Variants in TSHZ1 observed in about 807,000 individuals in gnomAD.
The protein encoded by TSHZ1 is teashirt homolog 1.
TSHZ1 carries 12 observed loss-of-function variants against 67.1 expected under a neutral mutation model. That is an observed-to-expected ratio of 0.18 (90% CI 0.11 to 0.29). The LOEUF (loss-of-function observed/expected upper bound fraction) is 0.29. Among genes scored for constraint, TSHZ1 ranks in the 10% least tolerant of loss-of-function variants. TSHZ1 has a pLI of 1.00. For synonymous variants in TSHZ1, 632 were observed against 622.4 expected, an observed-to-expected ratio of 1.02 and a Z score of -0.23; for missense variants, 1,305 against 1,413.9, an observed-to-expected ratio of 0.92 and a Z score of 1.23.
chr18:75,237,614 C>CT (rs1164485228), intron 1 of TSHZ1, among the ~76,000 whole-genome samples: 1 of 151,912 alleles, frequency 6.6e-6, no homozygotes, highest in Non-Finnish European at 1.5e-5. Context: ...ATGTACACAC[C>CT]TTTTTTCTGT....
intron 1 of TSHZ1, among the ~76,000 whole-genome samples, chr18:75,277,409 G>A (rs2023626975): frequency 6.6e-6 from 1 of 152,214 alleles, no homozygotes; most frequent in Admixed American, 6.5e-5. Flanking sequence ...AGGAGGAGGA[G>A]CAGGCGTCCT....
Position 75,246,403 on chromosome 18 carries a change from G to GGTGTGT in TSHZ1, c.40+34524_40+34529dup, listed in dbSNP as rs74178999. Among the ~76,000 whole-genome samples, 671 of 108,414 alleles carry GGTGTGT rather than the reference G, an allele frequency of 6.2e-3. 23 individuals are homozygous for GGTGTGT. Among genetic ancestry groups the GGTGTGT allele is most frequent in the Middle Eastern group, 0.034 (7 of 208 alleles). 71.1% of individuals were successfully genotyped at this position (108,414 alleles called of 152,430 possible). On this transcript the variant is annotated intron_variant, in intron 1 of 1. Transcript: ENST00000580243. ...CTCTGATGGGGTGTTTTTGGTTTCT[G>GGTGTGT]GTGTGTGTGTGTGTGTGTGTGTGTG...
At chr18:75,263,407 A>G (rs990519420) in intron 1 of TSHZ1, among the ~76,000 whole-genome samples, 1 of 152,236 alleles carries the variant, frequency 6.6e-6, no homozygotes, top group Non-Finnish European at 1.5e-5. Context: ...TGTGTTAAAT[A>G]TCGGTATAAA....
chr18:75,287,176 A>C lies in TSHZ1; in HGVS notation c.1769A>C (p.Lys590Thr). The change falls in exon 2 of 2, where the codon AAG becomes ACG. Residue 590 changes from lysine to threonine, a missense_variant. Transcript: ENST00000580243. This position sits in a 1 kb window ranked among gnomAD's most constrained non-coding sequence, Gnocchi z 5.0. ...HAAYQLPGTV[K>T]PLPAAVQSVQ... ...GCCTACCAGCTCCCGGGCACCGTGA[A>C]GCCACTGCCGGCGGCCGTGCAGAGC... 6.2e-7 allele frequency: 1 copy of C among 1,613,786 alleles called. No homozygotes were observed.
chr18:75,239,667 A>G (rs1445123177), intron 1 of TSHZ1, among the ~76,000 whole-genome samples: 5 of 152,066 alleles, frequency 3.3e-5, no homozygotes, highest in African/African-American at 9.7e-5. Context: ...CACTCAGCTA[A>G]TTTTTAAATT....
chr18:75,268,113 T>A (rs924501455), intron 1 of TSHZ1, among the ~76,000 whole-genome samples: 10 of 152,224 alleles, frequency 6.6e-5, no homozygotes, highest in African/African-American at 2.4e-4. Flanking sequence ...GCACTTCCAA[T>A]TGTTTTGCTG....
rs903911148 is a variant in TSHZ1 at position 75,212,578 on chromosome 18, G to A, written c.40+662G>A. On this transcript the variant is annotated intron_variant, in intron 1 of 1. Transcript: ENST00000580243. ...AGAGGATTGCCATCCTTGATTTGAT[G>A]TGTGATTGATCGCCTGTCATCTGGC... 3.3e-5 allele frequency among the ~76,000 whole-genome samples: 5 copies of A among 152,174 alleles called. 1 individual carries two copies. Among genetic ancestry groups the A allele is most frequent in the Admixed American group, 6.5e-5 (1 of 15,280 alleles).
At chr18:75,266,736 G>A (rs1176806173) in intron 1 of TSHZ1, among the ~76,000 whole-genome samples, 1 of 152,244 alleles carries the variant, frequency 6.6e-6, no homozygotes, top group Non-Finnish European at 1.5e-5. Flanking sequence ...ATCACCTGCA[G>A]GAGCTGGGCG....
At chr18:75,230,794 A>G (rs1210228359) in intron 1 of TSHZ1, among the ~76,000 whole-genome samples, 1 of 152,206 alleles carries the variant, frequency 6.6e-6, no homozygotes, top group Non-Finnish European at 1.5e-5. Context: ...CAAGACAAAT[A>G]AGAACAAAGG....
chr18:75,218,370 A>G (rs941472733), intron 1 of TSHZ1, among the ~76,000 whole-genome samples: 6 of 152,246 alleles, frequency 3.9e-5, no homozygotes, highest in African/African-American at 1.4e-4. Context: ...CTATAGCCTC[A>G]AAATGAGTGT....
In TSHZ1 at chr18:75,267,981, G is replaced by A. The variant is rs529543152; in HGVS notation, c.41-17467G>A. Among the ~76,000 whole-genome samples, 53 of 152,238 alleles carry A rather than the reference G, an allele frequency of 3.5e-4. 1 individual carries two copies. Among genetic ancestry groups the A allele is most frequent in the African/African-American group, 1.2e-3 (49 of 41,526 alleles). On this transcript the variant is annotated intron_variant, in intron 1 of 1. Coordinates refer to ENST00000580243, the MANE Select transcript of TSHZ1 (RefSeq NM_001308210.2). ...AAGGGGGTTATTAACAATATAAATC[G>A]CCCTTCCTGTCAGTCAAATGCTCAG...
intron 1 of TSHZ1, among the ~76,000 whole-genome samples, chr18:75,225,874 C>T (rs2022918895): frequency 6.6e-6 from 1 of 151,996 alleles, no homozygotes; most frequent in African/African-American, 2.4e-5. Flanking sequence ...AAAAGAGAGC[C>T]ACTTGGTGGA....
At chr18:75,257,899 A>G (rs1364409369) in intron 1 of TSHZ1, among the ~76,000 whole-genome samples, 3 of 152,186 alleles carry the variant, frequency 2.0e-5, no homozygotes, top group Non-Finnish European at 4.4e-5. Context: ...TGTGAAGTAC[A>G]TGATAGGAGG....
At chr18:75,231,781 G>A (rs1599030367) in intron 1 of TSHZ1, among the ~76,000 whole-genome samples, 1 of 151,934 alleles carries the variant, frequency 6.6e-6, no homozygotes, top group South Asian at 2.1e-4. Flanking sequence ...TGATCCTCCC[G>A]CTTTGGCCTC....
chr18:75,261,059 C>T (rs549334878), intron 1 of TSHZ1, among the ~76,000 whole-genome samples: 4 of 152,056 alleles, frequency 2.6e-5, no homozygotes, highest in East Asian at 1.9e-4. Context: ...CTTCCGCTCA[C>T]GTTTCATTGG....
chr18:75,238,570 A>G (rs937904396), intron 1 of TSHZ1, among the ~76,000 whole-genome samples: 3 of 151,992 alleles, frequency 2.0e-5, no homozygotes, highest in African/African-American at 7.3e-5. Flanking sequence ...GCCTCCCCGA[A>G]GAGCCCCTCA....
chr18:75,216,789 G>C (rs1007567677), intron 1 of TSHZ1, among the ~76,000 whole-genome samples: 1 of 152,200 alleles, frequency 6.6e-6, no homozygotes, highest in African/African-American at 2.4e-5. Context: ...TTTCAACAGA[G>C]AGCAGGGAGG....
intron 1 of TSHZ1, among the ~76,000 whole-genome samples, chr18:75,231,610 C>G (rs2022999707): frequency 6.6e-6 from 1 of 152,184 alleles, no homozygotes; most frequent in Admixed American, 6.5e-5. Context: ...TCTTGGCTCA[C>G]TGCAACCTCT....
Position 75,287,204 on chromosome 18 carries a change from G to T in TSHZ1, c.1797G>T (p.Val599=), listed in dbSNP as rs765916578. 4 of 1,613,766 alleles carry T rather than the reference G, an allele frequency of 2.5e-6. No individual in the cohort carries two copies. The highest frequency in any genetic ancestry group is 1.1e-5 in the South Asian group (1 of 91,050). ...CACTGCCGGCGGCCGTGCAGAGCGT[G>T]CAGGTGCAGCCGTCCTATGCTGGCG... ...VKPLPAAVQS[V]QVQPSYAGGV... The change falls in exon 2 of 2, where the codon GTG becomes GTT. Residue 599 remains valine (V), a synonymous_variant. Transcript: ENST00000580243. The surrounding 1 kb of genome is among the most constrained non-coding windows in gnomAD (Gnocchi z 5.0).
Sources: gnomAD v4.1 joint callset for allele counts (sites outside exome capture counted in the v4.1 genomes callset) on GRCh38, gnomAD v4.1.1 for gene constraint, Gnocchi (gnomAD v3.1) non-coding constraint, MANE v1.5 for transcripts, NCBI Gene and HGNC (gene_info 2026-07-23, HGNC 2026-07-21) for gene names.